STPG4: variants seen among roughly 807,000 people sequenced by gnomAD.
STPG4 encodes the protein protein STPG4.
Under a neutral mutation model 31.5 loss-of-function variants are expected in STPG4, and 41 were observed. That is an observed-to-expected ratio of 1.30 (90% CI 1.01 to 1.69). The LOEUF is 1.69. Among genes scored for constraint, STPG4 ranks in the 40% most tolerant of loss-of-function variants. The pLI is 0.00. For synonymous variants in STPG4, 141 were observed against 103.0 expected, an observed-to-expected ratio of 1.37 and a Z score of -2.24; for missense variants, 375 against 293.4, an observed-to-expected ratio of 1.28 and a Z score of -2.03.
At chr2:47,119,047 G>A (rs115457821) in intron 5 of STPG4, among the ~76,000 whole-genome samples, 369 of 152,306 alleles carry the variant, frequency 2.4e-3, no homozygotes, top group African/African-American at 7.5e-3. Context: ...TTTATCACAC[G>A]AAGGTTTGAG....
chr2:47,096,544 G>C (rs949966419), intron 5 of STPG4, among the ~76,000 whole-genome samples: 2 of 152,198 alleles, frequency 1.3e-5, no homozygotes, highest in South Asian at 4.1e-4. Flanking sequence ...AGTGGTCGCC[G>C]AGATATCTTC....
At chr2:47,114,610 T>C (rs536333979) in intron 5 of STPG4, among the ~76,000 whole-genome samples, 1 of 152,210 alleles carries the variant, frequency 6.6e-6, no homozygotes, top group Admixed American at 6.5e-5. Flanking sequence ...CATGACAAAG[T>C]TGTGTATGTA....
intron 5 of STPG4, among the ~76,000 whole-genome samples, chr2:47,114,007 C>T (rs143559289): frequency 3.4e-5 from 5 of 149,064 alleles, no homozygotes; most frequent in South Asian, 4.3e-4. Context: ...CCAGCCTGGG[C>T]GACAAAGTGA....
At chr2:47,095,093 A>G (rs1367685020) in intron 5 of STPG4, among the ~76,000 whole-genome samples, 1 of 151,892 alleles carries the variant, frequency 6.6e-6, no homozygotes, top group Non-Finnish European at 1.5e-5. Context: ...CAAATTCTAT[A>G]CCCCCCAATC....
intron 5 of STPG4, among the ~76,000 whole-genome samples, chr2:47,104,354 C>T (rs1685859514): frequency 6.6e-6 from 1 of 151,976 alleles, no homozygotes; most frequent in Admixed American, 6.6e-5. Context: ...TGCAACACCC[C>T]AATTCTGGGA....
chr2:47,100,826 G>A (rs140788806), intron 5 of STPG4, among the ~76,000 whole-genome samples: 8,281 of 151,250 alleles, frequency 0.055, 407 homozygotes, highest in African/African-American at 0.11. Flanking sequence ...GTGATACCAC[G>A]AACCCACAAG....
chr2:47,154,558 C>T (rs1439704881), intron 1 of STPG4, among the ~76,000 whole-genome samples: 1 of 152,206 alleles, frequency 6.6e-6, no homozygotes, highest in African/African-American at 2.4e-5. Context: ...CAACCCTCAC[C>T]CACATTTATT....
chr2:47,128,464 G>A (rs1573181670), intron 5 of STPG4, among the ~76,000 whole-genome samples: 1 of 152,248 alleles, frequency 6.6e-6, no homozygotes, highest in East Asian at 1.9e-4. Context: ...AGGAAACTTA[G>A]GAATTTATTG....
chr2:47,104,617 C>T (rs1218783887), intron 5 of STPG4, among the ~76,000 whole-genome samples: 2 of 151,954 alleles, frequency 1.3e-5, no homozygotes, highest in African/African-American at 2.4e-5. Flanking sequence ...GACAGTCTTG[C>T]CCCAGGGGTT....
intron 3 of STPG4, among the ~76,000 whole-genome samples, chr2:47,142,592 G>GA (rs1686737133): frequency 6.6e-6 from 1 of 151,910 alleles, no homozygotes; most frequent in African/African-American, 2.4e-5. Flanking sequence ...TCAACAGAAA[G>GA]AAAAAAATTA....
intron 5 of STPG4, among the ~76,000 whole-genome samples, chr2:47,105,222 C>T (rs1685886084): frequency 6.6e-6 from 1 of 151,952 alleles, no homozygotes; most frequent in South Asian, 2.1e-4. Flanking sequence ...ATGGGACAAC[C>T]CCACAACCGG....
intron 3 of STPG4, among the ~76,000 whole-genome samples, chr2:47,141,667 C>G (rs1254492922): frequency 1.3e-5 from 2 of 151,804 alleles, no homozygotes; most frequent in African/African-American, 2.4e-5. Context: ...ACATTATGCT[C>G]TTTGTTATCC....
chr2:47,102,235 G>C (rs1392065895), intron 5 of STPG4, among the ~76,000 whole-genome samples: 1 of 135,996 alleles, frequency 7.4e-6, no homozygotes, highest in African/African-American at 3.0e-5. Context: ...AGGGACCATT[G>C]CAGGTTCTCG....
intron 5 of STPG4, among the ~76,000 whole-genome samples, chr2:47,111,822 C>T (rs1686042092): frequency 6.6e-6 from 1 of 152,100 alleles, no homozygotes; most frequent in Non-Finnish European, 1.5e-5. Flanking sequence ...TCGAAAATAA[C>T]GTAAATAGCC....
chr2:47,097,176 G>A (rs867743555), intron 5 of STPG4, among the ~76,000 whole-genome samples: 1 of 152,238 alleles, frequency 6.6e-6, no homozygotes, highest in South Asian at 2.1e-4. Flanking sequence ...ATTTTAAGTT[G>A]TTAAGACAAA....
intron 5 of STPG4, among the ~76,000 whole-genome samples, chr2:47,127,378 C>T (rs892751464): frequency 6.7e-6 from 1 of 148,746 alleles, no homozygotes; most frequent in Non-Finnish European, 1.5e-5. Context: ...AAGCGATTCT[C>T]ATGCCTCAGC....
chr2:47,092,466 T>A (rs1463422726), intron 5 of STPG4, among the ~76,000 whole-genome samples: 1 of 149,830 alleles, frequency 6.7e-6, no homozygotes, highest in Non-Finnish European at 1.5e-5. Context: ...AGGTCAAGGC[T>A]GCAGTGAGCC....
At chr2:47,099,597 C>T (rs780445031) in intron 5 of STPG4, among the ~76,000 whole-genome samples, 3 of 152,270 alleles carry the variant, frequency 2.0e-5, no homozygotes, top group African/African-American at 4.8e-5. Context: ...CGCTCGCTCT[C>T]GGCGCCTCCT....
At chr2:47,112,721 G>C (rs1015591563) in intron 5 of STPG4, among the ~76,000 whole-genome samples, 1 of 152,018 alleles carries the variant, frequency 6.6e-6, no homozygotes, top group African/African-American at 2.4e-5. Flanking sequence ...AAGTCAACAG[G>C]GCTCAAATGA....
Sources: gnomAD v4.1 joint callset for allele counts (sites outside exome capture counted in the v4.1 genomes callset) on GRCh38, gnomAD v4.1.1 for gene constraint, MANE v1.5 for transcripts, NCBI Gene and HGNC (gene_info 2026-07-23, HGNC 2026-07-21) for gene names.